Variants in BIN3 observed in about 807,000 individuals in gnomAD.
BIN3 encodes bridging integrator 3.
A neutral mutation model predicts 38.2 loss-of-function variants in BIN3; 41 were observed. The ratio of observed to expected loss-of-function variants is 1.07; its 90% CI spans 0.84 to 1.39. The LOEUF (loss-of-function observed/expected upper bound fraction) is 1.39, where lower values mean the gene tolerates loss of function less well. BIN3 is among the 40% of genes most tolerant of loss of function. The pLI is 0.00. For synonymous variants in BIN3, 145 were observed against 122.6 expected, an observed-to-expected ratio of 1.18 and a Z score of -1.21; for missense variants, 361 against 324.3, an observed-to-expected ratio of 1.11 and a Z score of -0.87.
chr8:22,668,244 G>C (rs958820595), intron 1 of BIN3, among the ~76,000 whole-genome samples: 1 of 152,142 alleles, frequency 6.6e-6, no homozygotes, highest in South Asian at 2.1e-4. Flanking sequence ...ATAAATAATC[G>C]AGAGCAACAA....
intron 1 of BIN3, among the ~76,000 whole-genome samples, chr8:22,662,807 G>GA (rs1224097668): frequency 1.3e-5 from 2 of 150,952 alleles, no homozygotes; most frequent in South Asian, 2.1e-4. Context: ...AAGAAAAAAA[G>GA]AAAAAAAAAG....
chr8:22,661,502 C>A (rs548192826), intron 1 of BIN3, among the ~76,000 whole-genome samples: 1 of 150,824 alleles, frequency 6.6e-6, no homozygotes, highest in South Asian at 2.1e-4. Flanking sequence ...GGATTACAGG[C>A]GTGCACCACC....
At chr8:22,625,699 T>C in intron 6 of BIN3, 1 of 332,188 alleles carries the variant, frequency 3.0e-6, no homozygotes, top group Non-Finnish European at 5.7e-6. Context: ...GCAATTCTCA[T>C]GCCTCAGCCT....
chr8:22,656,526 G>A (rs1442024905), intron 1 of BIN3, among the ~76,000 whole-genome samples: 1 of 152,140 alleles, frequency 6.6e-6, no homozygotes, highest in Non-Finnish European at 1.5e-5. Flanking sequence ...ATGAAAATAT[G>A]ATAAAATTCA....
intron 2 of BIN3, among the ~76,000 whole-genome samples, chr8:22,637,523 T>G (rs1802410525): frequency 6.6e-6 from 1 of 152,232 alleles, no homozygotes; most frequent in Admixed American, 6.5e-5. Flanking sequence ...CTGTGACTAC[T>G]GACTCAGGTC....
intron 4 of BIN3, among the ~76,000 whole-genome samples, chr8:22,635,122 G>C (rs1802327532): frequency 6.6e-6 from 1 of 152,136 alleles, no homozygotes; most frequent in Non-Finnish European, 1.5e-5. Context: ...CTGTGTTTCA[G>C]GCCCTCTTCC....
At chr8:22,634,448 AG>A (rs774753038) in intron 4 of BIN3, 13 of 455,492 alleles carry the variant, frequency 2.9e-5, no homozygotes, top group South Asian at 2.0e-4. Flanking sequence ...CTCCCAGGGA[AG>A]GAACGCTTTC....
intron 1 of BIN3, chr8:22,645,022 T>G: frequency 2.0e-6 from 1 of 502,860 alleles, no homozygotes; most frequent in South Asian, 2.2e-5. Context: ...CAGATGCAGG[T>G]TGCTCTGCCC....
chr8:22,664,076 T>A (rs931509115), intron 1 of BIN3, among the ~76,000 whole-genome samples: 7 of 152,236 alleles, frequency 4.6e-5, no homozygotes, highest in African/African-American at 1.7e-4. Context: ...GAGCACCATG[T>A]ATGTGCATCA....
chr8:22,630,248 G>A (rs1482267612), intron 5 of BIN3, among the ~76,000 whole-genome samples, 194 bp downstream of exon 5: 2 of 152,212 alleles, frequency 1.3e-5, no homozygotes, highest in Non-Finnish European at 1.5e-5. Context: ...TGGAGCCTCA[G>A]GAGGCAGGTA....
At chr8:22,660,282 G>A (rs940783721) in intron 1 of BIN3, among the ~76,000 whole-genome samples, 3 of 152,244 alleles carry the variant, frequency 2.0e-5, no homozygotes, top group African/African-American at 4.8e-5. Flanking sequence ...GTAAGAAGGG[G>A]TAGAAAATGG....
chr8:22,626,237 C>A (rs1465016517), intron 6 of BIN3: 2 of 152,264 alleles, frequency 1.3e-5, no homozygotes, highest in South Asian at 4.1e-4. Flanking sequence ...ACAGAGAACG[C>A]GGGCCCCTCA....
intron 8 of BIN3, among the ~76,000 whole-genome samples, chr8:22,623,107 G>C (rs1447452286): frequency 1.3e-5 from 2 of 152,230 alleles, no homozygotes; most frequent in Admixed American, 1.3e-4. Flanking sequence ...CAGAGCCACA[G>C]GGACCTGGCA....
intron 8 of BIN3, among the ~76,000 whole-genome samples, chr8:22,622,172 T>G (rs1585173642): frequency 6.6e-6 from 1 of 152,120 alleles, no homozygotes; most frequent in South Asian, 2.1e-4. Context: ...GTGGGGCAGG[T>G]GGAGGAATGG....
chr8:22,640,485 G>A (rs909647074), intron 2 of BIN3, among the ~76,000 whole-genome samples: 12 of 151,990 alleles, frequency 7.9e-5, no homozygotes, highest in Non-Finnish European at 1.6e-4. Flanking sequence ...CACCGCGCAC[G>A]GCCCACATCT....
At chr8:22,633,550 T>C (rs77962584) in intron 4 of BIN3, among the ~76,000 whole-genome samples, 2,427 of 152,326 alleles carry the variant, frequency 0.016, 56 homozygotes, top group African/African-American at 0.052. Flanking sequence ...ACTCTGAAAG[T>C]AGTATGAGTT....
intron 7 of BIN3, 39 bp downstream of exon 7, chr8:22,624,183 C>T (rs754341031): frequency 2.5e-6 from 4 of 1,600,966 alleles, no homozygotes; most frequent in Non-Finnish European, 2.6e-6. Context: ...CCACGATGGC[C>T]CACCTGTCTA....
intron 1 of BIN3, among the ~76,000 whole-genome samples, chr8:22,667,033 G>A (rs754097871): frequency 1.2e-4 from 18 of 152,186 alleles, no homozygotes; most frequent in Non-Finnish European, 2.1e-4. Context: ...GTGCCCAGGC[G>A]CCGGTGCTGT....
chr8:22,644,472 C>T (rs1011706981), intron 2 of BIN3: 13 of 403,514 alleles, frequency 3.2e-5, no homozygotes, highest in Non-Finnish European at 2.4e-5. Flanking sequence ...TAGAGGTGGA[C>T]CGTTCTAAAG....
Sources: allele counts gnomAD v4.1 joint callset (sites outside exome capture counted in the v4.1 genomes callset), GRCh38; gene constraint gnomAD v4.1.1; transcripts MANE v1.5; gene names NCBI Gene and HGNC (gene_info 2026-07-23, HGNC 2026-07-21).